FMN1: variants seen among roughly 807,000 people sequenced by gnomAD.
FMN1 encodes formin-1.
FMN1 carries 110 observed loss-of-function variants against 132.4 expected under a neutral mutation model. That is an observed-to-expected ratio of 0.83 (90% CI 0.71 to 0.97). The LOEUF (loss-of-function observed/expected upper bound fraction) is 0.97. FMN1 is among the 50% of genes least tolerant of loss of function. The probability of loss-of-function intolerance (pLI) is 0.00; values close to 1 mark genes in which losing one functional copy is unlikely to be tolerated. For missense variants in FMN1, 1,792 were observed against 1,705.3 expected (o/e 1.05, Z -0.90); for synonymous variants, 722 against 651.7 (o/e 1.11, Z -1.64).
In FMN1 at chr15:32,857,081, ACAC is replaced by A; in HGVS notation, c.3859_3861del (p.Val1287del). On this transcript the variant is annotated inframe_deletion, in exon 17 of 21. Transcript: ENST00000616417. Reference sequence around the variant, plus strand: ...AGATACTCCTTTGGGGACTCCTTGCACACCACCACCATCTGTTTCTCACTTGCT... The same window carrying A: ...AGATACTCCTTTGGGGACTCCTTGCACACCACCATCTGTTTCTCACTTGCT... 1 of 1,613,790 alleles carries A rather than the reference ACAC, an allele frequency of 6.2e-7. No individual in the cohort carries two copies. The highest frequency in any genetic ancestry group is 8.5e-7 in the Non-Finnish European group (1 of 1,179,688).
rs1331670614 is a variant in FMN1 at position 32,767,710 on chromosome 15, C to T, written c.*6600G>A. The T allele has an allele frequency of 6.6e-6, 1 of 152,176 alleles. No individual in the cohort carries two copies. Among genetic ancestry groups the T allele is most frequent in the Non-Finnish European group, 1.5e-5 (1 of 68,022 alleles). 9.4% of individuals were successfully genotyped at this position (152,176 alleles called of 1,614,324 possible). ...TCTAGCTGACAGTAGGGTCATATTA[C>T]TTATGCCTTGGGAAATTACAGAATT... On this transcript the variant is annotated 3_prime_UTR_variant, in exon 21 of 21. Transcript: ENST00000616417.
Position 33,008,005 on chromosome 15 carries a change from G to A in FMN1, c.2223+9C>T. On this transcript the variant is annotated intron_variant, in intron 7 of 20. Transcript: ENST00000616417. ...ATAGAACCCGTTCAGTAGCATCAAA[G>A]AGGCATACCTGCAGGTTTTCAATTT... 6.3e-7 allele frequency: 1 copy of A among 1,595,468 alleles called. No homozygotes were observed. The highest frequency in any genetic ancestry group is 2.2e-5 in the East Asian group (1 of 44,552).
intron 7 of FMN1, 69 bp downstream of exon 7, chr15:33,007,945 T>C: frequency 7.6e-7 from 1 of 1,324,324 alleles, no homozygotes; most frequent in Non-Finnish European, 1.1e-6. Flanking sequence ...GAGGAATATT[T>C]ACTTCAGCAT....
chr15:32,864,767 CAT>C (rs746215584), intron 16 of FMN1, among the ~76,000 whole-genome samples: 16 of 152,196 alleles, frequency 1.1e-4, no homozygotes, highest in Non-Finnish European at 1.9e-4. Context: ...TCTACACATA[CAT>C]AGTGTCTATG....
chr15:32,980,308 A>G (rs1596388352), intron 7 of FMN1, among the ~76,000 whole-genome samples: 1 of 103,082 alleles, frequency 9.7e-6, no homozygotes, highest in Admixed American at 8.9e-5. Flanking sequence ...GGTCAGTTTG[A>G]AAAAAAAAAA....
At chr15:32,914,954 G>A (rs2060649381) in intron 10 of FMN1, among the ~76,000 whole-genome samples, 1 of 152,182 alleles carries the variant, frequency 6.6e-6, no homozygotes, top group Non-Finnish European at 1.5e-5. Context: ...ATGAACTTAG[G>A]GCCAATGCCA....
intron 6 of FMN1, among the ~76,000 whole-genome samples, chr15:33,027,886 AG>A (rs1193557051): frequency 6.6e-6 from 1 of 152,202 alleles, no homozygotes; most frequent in East Asian, 1.9e-4. Flanking sequence ...TGCTGCTCAA[AG>A]GTTGTACTAA....
chr15:32,901,697 T>C (rs1270213101), intron 13 of FMN1, among the ~76,000 whole-genome samples: 12 of 152,294 alleles, frequency 7.9e-5, no homozygotes, highest in African/African-American at 2.6e-4. Flanking sequence ...GTCATTTTTT[T>C]CCCTCCTTCT....
chr15:32,818,496 T>C (rs2058117313), intron 17 of FMN1, among the ~76,000 whole-genome samples: 1 of 152,218 alleles, frequency 6.6e-6, no homozygotes, highest in African/African-American at 2.4e-5. Flanking sequence ...TTTTATCTTT[T>C]GATTTAACTT....
chr15:32,822,802 T>C (rs889783078), intron 17 of FMN1, among the ~76,000 whole-genome samples: 1 of 147,326 alleles, frequency 6.8e-6, no homozygotes, highest in East Asian at 1.9e-4. Flanking sequence ...TATGAAGGTG[T>C]CTGTATCTTA....
At chr15:32,965,457 T>C (rs529820663) in intron 8 of FMN1, among the ~76,000 whole-genome samples, 4 of 152,300 alleles carry the variant, frequency 2.6e-5, no homozygotes, top group Non-Finnish European at 4.4e-5. Flanking sequence ...TATATACTTA[T>C]TGTTTATCAA....
chr15:32,936,380 G>T (rs1253154172), intron 9 of FMN1, among the ~76,000 whole-genome samples: 1 of 152,168 alleles, frequency 6.6e-6, no homozygotes, highest in Admixed American at 6.6e-5. Context: ...AGCCCAGCTA[G>T]TGTCTCTGGG....
Position 33,080,882 on chromosome 15 carries a change from C to T in FMN1, c.2043+7917G>A, listed in dbSNP as rs561156963. ...AGCCTGGGCAACAAAAGCAAAACTC[C>T]GTCTCAAAAAAAAAAAAAAATTCCA... On this transcript the variant is annotated intron_variant, in intron 5 of 20. Transcript: ENST00000616417. 7.5e-5 allele frequency among the ~76,000 whole-genome samples: 11 copies of T among 147,382 alleles called. No individual in the cohort carries two copies. In the East Asian group the frequency reaches 1.7e-3, roughly 23 times the overall value.
intron 16 of FMN1, among the ~76,000 whole-genome samples, chr15:32,887,916 CTAAA>C (rs2059933120): frequency 6.6e-6 from 1 of 151,988 alleles, no homozygotes; most frequent in African/African-American, 2.4e-5. Flanking sequence ...GTTATAACTA[CTAAA>C]TGTTAGAAAA....
intron 3 of FMN1, among the ~76,000 whole-genome samples, chr15:33,173,651 G>A (rs1443039698): frequency 2.0e-5 from 3 of 152,252 alleles, no homozygotes; most frequent in African/African-American, 7.2e-5. Context: ...GAAATAGGCC[G>A]GGCACGGTGG....
chr15:32,886,928 G>C lies in FMN1; in HGVS notation c.3835+1244C>G, dbSNP rs910358283. Among the ~76,000 whole-genome samples, 3 of 152,030 alleles carry C rather than the reference G, an allele frequency of 2.0e-5. No individual in the cohort carries two copies. In the South Asian group the frequency reaches 6.2e-4, roughly 32 times the overall value. ...CTTCAGGAGACAGAAAATAACGACC[G>C]CAAGTTCACATATCGCATTTCTAAA... On this transcript the variant is annotated intron_variant, in intron 16 of 20. Coordinates refer to ENST00000616417, the MANE Select transcript of FMN1 (RefSeq NM_001277313.2).
intron 6 of FMN1, 107 bp from the exon 7 acceptor site, chr15:33,008,182 T>C: frequency 1.2e-6 from 1 of 847,436 alleles, no homozygotes; most frequent in Non-Finnish European, 1.9e-6. Context: ...TGCCACAATT[T>C]GACATCAACC....
intron 6 of FMN1, among the ~76,000 whole-genome samples, chr15:33,055,754 A>C (rs2037187914): frequency 6.6e-6 from 1 of 152,208 alleles, no homozygotes; most frequent in African/African-American, 2.4e-5. Flanking sequence ...AAATGCCCTA[A>C]CCAATAAAAC....
At chr15:33,129,437 A>C (rs934735110) in intron 4 of FMN1, among the ~76,000 whole-genome samples, 1 of 152,206 alleles carries the variant, frequency 6.6e-6, no homozygotes, top group African/African-American at 2.4e-5. Context: ...TATCTTTGAG[A>C]GCTTTCTCAG....
Sources: gnomAD v4.1 joint callset for allele counts (sites outside exome capture counted in the v4.1 genomes callset) on GRCh38, gnomAD v4.1.1 for gene constraint, MANE v1.5 for transcripts, NCBI Gene and HGNC (gene_info 2026-07-23, HGNC 2026-07-21) for gene names.